The following NBEA variants were observed in gnomAD, a reference collection of about 807,000 sequenced individuals.
NBEA encodes lysosomal-trafficking regulator 2.
Under a neutral mutation model 343.4 loss-of-function variants are expected in NBEA, and 44 were observed. That is an observed-to-expected ratio of 0.13 (90% CI 0.10 to 0.16). The LOEUF is 0.16. NBEA is among the 10% of genes least tolerant of loss of function. The pLI, the probability that NBEA is intolerant of heterozygous loss-of-function variation, is 1.00. For missense variants in NBEA, 2,555 were observed against 3,631.3 expected, an observed-to-expected ratio of 0.70 and a Z score of 7.62; for synonymous variants, 1,175 against 1,238.7, an observed-to-expected ratio of 0.95 and a Z score of 1.08.
At chr13:34,955,096 A>T (rs2059452563) in intron 1 of NBEA, among the ~76,000 whole-genome samples, 1 of 152,144 alleles carries the variant, frequency 6.6e-6, no homozygotes, top group African/African-American at 2.4e-5. Flanking sequence ...TTCACAGACT[A>T]GGAATTAACA....
chr13:35,036,703 C>T (rs189843505), intron 1 of NBEA, among the ~76,000 whole-genome samples: 37 of 152,134 alleles, frequency 2.4e-4, no homozygotes, highest in African/African-American at 7.5e-4. Flanking sequence ...TTTCCTTCAG[C>T]AATTTAAATA....
At chr13:35,418,627 T>G (rs1184345328) in intron 38 of NBEA, among the ~76,000 whole-genome samples, 2 of 151,546 alleles carry the variant, frequency 1.3e-5, no homozygotes, top group African/African-American at 2.4e-5. Context: ...CAAGAAGGAG[T>G]TTGAACAGAA....
Position 35,472,556 on chromosome 13 carries a change from T to C in NBEA, c.6585+20T>C, listed in dbSNP as rs765187199. On this transcript the variant is annotated intron_variant, in intron 41 of 58. Transcript: ENST00000379939. ...ACGAAAGTGAGTTAAAGCGATTCCA[T>C]GTACAGTATTGGTGGCTTTGTGGCA... 13 of 1,613,828 alleles carry C rather than the reference T, an allele frequency of 8.1e-6. No homozygotes were observed. In the African/African-American group the frequency reaches 1.2e-4, roughly 15 times the overall value.
chr13:35,258,904 G>A (rs1174711017), intron 34 of NBEA, among the ~76,000 whole-genome samples: 1 of 152,186 alleles, frequency 6.6e-6, no homozygotes, highest in African/African-American at 2.4e-5. Flanking sequence ...ATTTGTGTTA[G>A]ATGATTTTGC....
chr13:35,328,139 G>T (rs1007175357), intron 36 of NBEA, among the ~76,000 whole-genome samples: 4 of 151,660 alleles, frequency 2.6e-5, no homozygotes, highest in Non-Finnish European at 4.4e-5. Context: ...TATGACAGAA[G>T]GTATTAGAAC....
In NBEA at chr13:35,628,086, A is replaced by G. The variant is rs1029565725; in HGVS notation, c.7455A>G (p.Leu2485=). ...EDFVRINRMA[L]ESEFVSCQLH... ...TCTTTCTTGACTCATTTCAGGCCCTAGAAAGTGAATTTGTTTCTTGCCAAC... is the reference window on the plus strand; with the variant it reads ...TCTTTCTTGACTCATTTCAGGCCCTGGAAAGTGAATTTGTTTCTTGCCAAC... The change falls in exon 49 of 59, where the codon CTA becomes CTG. Residue 2485 remains leucine (L), a synonymous_variant. Coordinates refer to ENST00000379939, the MANE Select transcript of NBEA (RefSeq NM_001385012.1). The G allele has an allele frequency of 1.9e-6, 3 of 1,611,614 alleles. No individual in the cohort carries two copies. The highest frequency in any genetic ancestry group is 2.7e-5 in the African/African-American group (2 of 74,848).
chr13:35,529,748 G>T (rs1394637738), intron 41 of NBEA, among the ~76,000 whole-genome samples: 1 of 152,094 alleles, frequency 6.6e-6, no homozygotes, highest in Non-Finnish European at 1.5e-5. Context: ...GGCCCAAGCT[G>T]TCATGTCCTC....
chr13:35,522,701 TCAGATCA>T (rs1193268994), intron 41 of NBEA, among the ~76,000 whole-genome samples: 1 of 151,666 alleles, frequency 6.6e-6, no homozygotes, highest in Non-Finnish European at 1.5e-5. Flanking sequence ...CCACCTCCTG[TCAGATCA>T]GCGGCAGCAT....
intron 39 of NBEA, among the ~76,000 whole-genome samples, chr13:35,441,215 G>A (rs1461371769): frequency 1.3e-5 from 2 of 152,062 alleles, no homozygotes; most frequent in Non-Finnish European, 2.9e-5. Context: ...TGGACTTTGT[G>A]ATATACTTAA....
At chr13:35,003,281 G>A (rs1364220801) in intron 1 of NBEA, among the ~76,000 whole-genome samples, 1 of 152,082 alleles carries the variant, frequency 6.6e-6, no homozygotes, top group African/African-American at 2.4e-5. Flanking sequence ...CTTCAGGGGG[G>A]CTGAGGTAAG....
intron 45 of NBEA, among the ~76,000 whole-genome samples, chr13:35,572,713 TTTGTTGTTG>T (rs151081649): frequency 1.8e-4 from 27 of 150,178 alleles, no homozygotes; most frequent in Non-Finnish European, 3.3e-4. Context: ...GCAAGTTGGG[TTTGTTGTTG>T]TTGTTGTTGT....
At chr13:35,459,074 T>A (rs9888464) in intron 40 of NBEA, among the ~76,000 whole-genome samples, 5,599 of 133,832 alleles carry the variant, frequency 0.042, 176 homozygotes, top group African/African-American at 0.1. Context: ...AGAAAAGTAA[T>A]TATGTAAATT....
intron 41 of NBEA, among the ~76,000 whole-genome samples, chr13:35,510,802 A>G (rs1366705313): frequency 6.6e-6 from 1 of 152,206 alleles, no homozygotes; most frequent in Non-Finnish European, 1.5e-5. Context: ...GGAGAAAACT[A>G]GAGTTTGAGA....
At chr13:35,179,763 T>C (rs2071180264) in intron 28 of NBEA, 1 of 984,684 alleles carries the variant, frequency 1.0e-6, no homozygotes, top group Non-Finnish European at 1.2e-6. Flanking sequence ...TATTATGGTC[T>C]GTCACAGCTT....
intron 38 of NBEA, among the ~76,000 whole-genome samples, chr13:35,430,056 G>A (rs1215347992): frequency 3.3e-5 from 5 of 152,014 alleles, no homozygotes; most frequent in Admixed American, 6.6e-5. Flanking sequence ...TTCATTGTGG[G>A]TATACCACTT....
At chr13:35,518,428 C>T (rs778232591) in intron 41 of NBEA, among the ~76,000 whole-genome samples, 3 of 151,986 alleles carry the variant, frequency 2.0e-5, no homozygotes, top group Non-Finnish European at 2.9e-5. Context: ...ATGGCAGAGC[C>T]GGAAATGGAA....
At chr13:35,553,593 A>G (rs952370270) in intron 43 of NBEA, among the ~76,000 whole-genome samples, 1 of 152,164 alleles carries the variant, frequency 6.6e-6, no homozygotes, top group Non-Finnish European at 1.5e-5. Flanking sequence ...ATATTCTGCC[A>G]GAGATATTTT....
At chr13:35,286,873 A>G (rs1426936276) in intron 34 of NBEA, among the ~76,000 whole-genome samples, 1 of 151,966 alleles carries the variant, frequency 6.6e-6, no homozygotes, top group African/African-American at 2.4e-5. Context: ...GTGTGAACCC[A>G]AAAGAACTGC....
chr13:35,550,691 C>T, intron 42 of NBEA, 97 bp downstream of exon 42: 2 of 757,430 alleles, frequency 2.6e-6, no homozygotes, highest in South Asian at 1.8e-5. Context: ...TACTGTATTT[C>T]TGATGTGCTC....
Sources: gnomAD v4.1 joint callset for allele counts (sites outside exome capture counted in the v4.1 genomes callset) on GRCh38, gnomAD v4.1.1 for gene constraint, MANE v1.5 for transcripts, NCBI Gene and HGNC (gene_info 2026-07-23, HGNC 2026-07-21) for gene names.